GSTO2: variants seen among roughly 807,000 people sequenced by gnomAD.
GSTO2 encodes glutathione S-transferase omega 2.
Under a neutral mutation model 28.4 loss-of-function variants are expected in GSTO2, and 23 were observed. The ratio of observed to expected loss-of-function variants is 0.81; its 90% CI spans 0.58 to 1.15. The LOEUF (loss-of-function observed/expected upper bound fraction) is 1.15. GSTO2 is among the 50% of genes most tolerant of loss of function. The probability of loss-of-function intolerance (pLI) is 0.00; values close to 1 mark genes in which losing one functional copy is unlikely to be tolerated. For missense variants in GSTO2, 298 were observed against 297.8 expected, an observed-to-expected ratio of 1.00 and a Z score of 0.00; for synonymous variants, 109 against 111.0, an observed-to-expected ratio of 0.98 and a Z score of 0.11.
At chr10:104,288,838 C>T (rs1044787812) in intron 5 of GSTO2, among the ~76,000 whole-genome samples, 1 of 152,160 alleles carries the variant, frequency 6.6e-6, no homozygotes, top group Non-Finnish European at 1.5e-5. Context: ...TTTCTTTTGA[C>T]TTTTAATTTG....
intron 5 of GSTO2, among the ~76,000 whole-genome samples, chr10:104,283,290 A>T (rs1287263770): frequency 6.6e-6 from 1 of 152,220 alleles, no homozygotes; most frequent in Admixed American, 6.5e-5. Context: ...ACATTGTCCT[A>T]ACAGGTTTGA....
At chr10:104,287,657 T>C (rs150132239) in intron 5 of GSTO2, among the ~76,000 whole-genome samples, 1 of 152,216 alleles carries the variant, frequency 6.6e-6, no homozygotes, top group African/African-American at 2.4e-5. Flanking sequence ...CACATACATG[T>C]AAATAAGTGG....
In GSTO2 at chr10:104,277,968, C is replaced by G. The variant is rs367989505; in HGVS notation, c.218C>G (p.Pro73Arg). 8.1e-6 allele frequency: 13 copies of G among 1,613,956 alleles called. No individual in the cohort carries two copies. The African/African-American group carries it at 1.3e-4, about 17-fold the overall frequency. ...ACAAAGCACCCTTTTGGCCACATTCCTGTCCTGGAGACCAGCCAATGTCAA... is the reference window on the plus strand; with the variant it reads ...ACAAAGCACCCTTTTGGCCACATTCGTGTCCTGGAGACCAGCCAATGTCAA... ...YYTKHPFGHIPVLETSQCQLI... is the reference protein window; with the variant it reads ...YYTKHPFGHIRVLETSQCQLI... The change falls in exon 4 of 7, where the codon CCT becomes CGT. Residue 73 changes from proline (P) to arginine (R), a missense_variant. Pro to Arg is a moderately radical substitution (Grantham distance 103). Coordinates refer to ENST00000338595, the MANE Select transcript of GSTO2 (RefSeq NM_183239.2).
chr10:104,285,083 T>C (rs1296104125), intron 5 of GSTO2, among the ~76,000 whole-genome samples: 1 of 152,114 alleles, frequency 6.6e-6, no homozygotes, highest in Non-Finnish European at 1.5e-5. Context: ...TGCCTTGGGG[T>C]GCTTCACTTT....
chr10:104,273,213 ACT>A (rs1383178998), intron 1 of GSTO2, among the ~76,000 whole-genome samples: 3 of 152,096 alleles, frequency 2.0e-5, no homozygotes, highest in Admixed American at 6.5e-5. Context: ...AGTAGAAGTT[ACT>A]CTGTTACTTT....
At chr10:104,288,151 A>C (rs191620797) in intron 5 of GSTO2, among the ~76,000 whole-genome samples, 14 of 152,186 alleles carry the variant, frequency 9.2e-5, no homozygotes, top group African/African-American at 3.4e-4. Flanking sequence ...CGGCCTCCCA[A>C]AGTGCTGGGA....
intron 1 of GSTO2, among the ~76,000 whole-genome samples, chr10:104,272,071 T>C (rs1046133378): frequency 8.5e-5 from 13 of 152,232 alleles, no homozygotes; most frequent in Admixed American, 5.2e-4. Context: ...GGATGTTGGG[T>C]GATAATATGT....
intron 5 of GSTO2, among the ~76,000 whole-genome samples, chr10:104,280,767 G>T (rs903639708): frequency 6.6e-6 from 1 of 152,172 alleles, no homozygotes; most frequent in East Asian, 1.9e-4. Context: ...GGCAGCCAGA[G>T]AATACAATTT....
chr10:104,297,054 C>G (rs867681548), intron 5 of GSTO2: 1 of 152,452 alleles, frequency 6.6e-6, no homozygotes, highest in Admixed American at 6.5e-5. Context: ...GCTGGGAATA[C>G]AGGCATGAGC....
chr10:104,278,195 A>C, intron 4 of GSTO2, 79 bp downstream of exon 4: 1 of 1,054,420 alleles, frequency 9.5e-7, no homozygotes, highest in Non-Finnish European at 1.4e-6. Flanking sequence ...TTTTAAAGCC[A>C]AATCATTGGT....
At chr10:104,270,689 A>G (rs2011355119) in intron 1 of GSTO2, among the ~76,000 whole-genome samples, 1 of 152,224 alleles carries the variant, frequency 6.6e-6, no homozygotes, top group Admixed American at 6.5e-5. Context: ...TCATTGGACA[A>G]TAAGGGAACA....
intron 1 of GSTO2, 99 bp from the exon 2 acceptor site, chr10:104,274,586 T>G: frequency 2.3e-6 from 1 of 434,850 alleles, no homozygotes. Context: ...TCTTGAGGGA[T>G]TCTTGATGTA....
At chr10:104,275,598 C>G (rs2011595362) in intron 3 of GSTO2, among the ~76,000 whole-genome samples, 1 of 152,104 alleles carries the variant, frequency 6.6e-6, no homozygotes, top group Non-Finnish European at 1.5e-5. Context: ...TGAACTGGTT[C>G]CCTCCCAGAA....
rs902885068 is a variant in GSTO2 at position 104,299,552 on chromosome 10, T to G, written c.*268T>G. The stretch of plus-strand genomic sequence containing the variant: ...GAGTGCAGTGGGACAGTCGGCTCAC[T>G]GCAGCCTTGAACTCCTGGGCTCAGT... On this transcript the variant is annotated 3_prime_UTR_variant, in exon 7 of 7. Transcript: ENST00000338595. 4.5e-5 allele frequency: 17 copies of G among 377,734 alleles called. No homozygotes were observed. The highest frequency in any genetic ancestry group is 4.5e-4 in the South Asian group (17 of 38,028). The allele number at this position is 377,734 out of a possible 1,614,324, so 23.4% of individuals were successfully genotyped here.
chr10:104,273,106 A>G (rs1040561473), intron 1 of GSTO2, among the ~76,000 whole-genome samples: 1 of 152,198 alleles, frequency 6.6e-6, no homozygotes, highest in Non-Finnish European at 1.5e-5. Flanking sequence ...CCCAGAAGTC[A>G]TCTTACCTAC....
intron 3 of GSTO2, among the ~76,000 whole-genome samples, chr10:104,277,217 G>A (rs1306458157): frequency 4.0e-5 from 6 of 151,858 alleles, no homozygotes; most frequent in Admixed American, 3.9e-4. Context: ...GCTGTAGAAT[G>A]TACTAAACTC....
intron 6 of GSTO2, among the ~76,000 whole-genome samples, chr10:104,298,592 G>A (rs1157748976): frequency 2.0e-5 from 3 of 152,188 alleles, no homozygotes; most frequent in East Asian, 3.8e-4. Context: ...TCAGCTTATT[G>A]CTTTATAAAC....
At chr10:104,286,657 T>C (rs1036750050) in intron 5 of GSTO2, among the ~76,000 whole-genome samples, 1 of 152,190 alleles carries the variant, frequency 6.6e-6, no homozygotes, top group Non-Finnish European at 1.5e-5. Context: ...TATCCCTGAC[T>C]CAGGATGCCT....
At position 104,274,804 on chromosome 10, in the gene GSTO2, G is replaced by C; in HGVS notation, c.-112G>C. On this transcript the variant is annotated 5_prime_UTR_variant, in exon 2 of 7. Coordinates refer to ENST00000338595, the MANE Select transcript of GSTO2 (RefSeq NM_183239.2). ...GCCCAGTAGTTCAAAAATTAAATTT[G>C]GGGCAAGGGGTGCGCGCCAGAGCGC... is the stretch of plus-strand genomic sequence containing the variant. 3 of 1,317,264 alleles carry C rather than the reference G, an allele frequency of 2.3e-6. No individual in the cohort carries two copies. Among genetic ancestry groups the C allele is most frequent in the Non-Finnish European group, 3.2e-6 (3 of 939,706 alleles). 81.6% of individuals were successfully genotyped at this position (1,317,264 alleles called of 1,614,324 possible). A position where few individuals can be genotyped will look rare whatever the true frequency, so the allele number is the denominator to read the frequency against.
Sources: gnomAD v4.1 joint callset for allele counts (sites outside exome capture counted in the v4.1 genomes callset) on GRCh38, gnomAD v4.1.1 for gene constraint, MANE v1.5 for transcripts, NCBI Gene and HGNC (gene_info 2026-07-23, HGNC 2026-07-21) for gene names.